The following VSTM2B variants were observed in gnomAD, a reference collection of about 807,000 sequenced individuals.
VSTM2B encodes the protein V-set and transmembrane domain-containing protein 2B.
In VSTM2B, 24 loss-of-function variants were observed where a neutral mutation model predicts 24.0. The ratio of observed to expected loss-of-function variants is 1.00; its 90% CI spans 0.72 to 1.40. The LOEUF (loss-of-function observed/expected upper bound fraction) is 1.40, where lower values mean the gene tolerates loss of function less well. Among genes scored for constraint, VSTM2B ranks in the 40% most tolerant of loss-of-function variants. VSTM2B has a pLI of 0.00. For synonymous variants in VSTM2B, 226 were observed against 194.4 expected (o/e 1.16, Z -1.35); for missense variants, 399 against 416.4 (o/e 0.96, Z 0.36).
At chr19:29,540,425 T>C (rs994465248) in intron 4 of VSTM2B, among the ~76,000 whole-genome samples, 3 of 152,238 alleles carry the variant, frequency 2.0e-5, no homozygotes, top group Admixed American at 6.5e-5. Flanking sequence ...GGGCTGGTAG[T>C]TGGGAGAAGA....
intron 4 of VSTM2B, among the ~76,000 whole-genome samples, chr19:29,544,131 G>A (rs1336463532): frequency 6.7e-6 from 1 of 149,256 alleles, no homozygotes; most frequent in Non-Finnish European, 1.5e-5. Flanking sequence ...ATATATATAT[G>A]CACATTATAT....
At chr19:29,559,604 TATA>T (rs1212448546) in intron 4 of VSTM2B, among the ~76,000 whole-genome samples, 3 of 152,188 alleles carry the variant, frequency 2.0e-5, no homozygotes, top group Admixed American at 1.3e-4. Flanking sequence ...GAACCTTAAG[TATA>T]ATAATATTTT....
At position 29,530,205 on chromosome 19, in the gene VSTM2B, C is replaced by G. The variant is rs1969710498; in HGVS notation, c.684C>G (p.Thr228=). Residue 228 remains threonine (T), a synonymous_variant, in exon 4 of 5, where the codon ACC becomes ACG. Coordinates refer to ENST00000335523, the MANE Select transcript of VSTM2B (RefSeq NM_001146339.2). The part of the protein sequence containing the change: ...AAAASAAHTP[T]TTVAAAAAAS... ...CAGCCTCGGCGGCCCACACGCCCAC[C>G]ACCACAGTCGCGGCAGCTGCTGCTG... 2 of 1,502,064 alleles carry G rather than the reference C, an allele frequency of 1.3e-6. No individual in the cohort carries two copies. Among genetic ancestry groups the G allele is most frequent in the Non-Finnish European group, 1.8e-6 (2 of 1,132,694 alleles). 93.0% of individuals were successfully genotyped at this position (1,502,064 alleles called of 1,614,324 possible). A position where few individuals can be genotyped will look rare whatever the true frequency, so the allele number is the denominator to read the frequency against.
At chr19:29,546,244 A>G (rs1039812394) in intron 4 of VSTM2B, among the ~76,000 whole-genome samples, 2 of 152,196 alleles carry the variant, frequency 1.3e-5, no homozygotes, top group Non-Finnish European at 2.9e-5. Context: ...TGCAGCCCCC[A>G]GCGCAAGAGC....
intron 4 of VSTM2B, among the ~76,000 whole-genome samples, chr19:29,538,640 C>G (rs1028251364): frequency 1.3e-5 from 2 of 152,182 alleles, no homozygotes; most frequent in African/African-American, 4.8e-5. Flanking sequence ...GCTGTGCAAG[C>G]AAGGCACCAG....
chr19:29,527,252 G>A lies in VSTM2B; in HGVS notation c.124G>A (p.Gly42Arg). ...CCCCAAAGATGTGACAGTACGGGAG[G>A]GAGACGACATCGAAATGCCCTGCGC... ...EVPKDVTVRE[G>R]DDIEMPCAFR... Residue 42 changes from glycine to arginine, a missense_variant, in exon 2 of 5, where the codon GGA (glycine) becomes AGA (arginine). Coordinates refer to ENST00000335523, the MANE Select transcript of VSTM2B (RefSeq NM_001146339.2). The A allele has an allele frequency of 2.6e-6, 4 of 1,550,350 alleles. No homozygotes were observed. Among genetic ancestry groups the A allele is most frequent in the Non-Finnish European group, 1.7e-6 (2 of 1,146,742 alleles).
rs748512409 is a variant in VSTM2B at position 29,526,607 on chromosome 19, T to A, written c.24T>A (p.Gly8=). 6.5e-7 allele frequency: 1 copy of A among 1,527,554 alleles called. No individual in the cohort carries two copies. Among genetic ancestry groups the A allele is most frequent in the East Asian group, 2.5e-5 (1 of 40,074 alleles). The allele number at this position is 1,527,554 out of a possible 1,614,324, so 94.6% of individuals were successfully genotyped here. MEQRNRL[G]ALGYLPPLLL... ...AGATGGAACAGCGGAACCGGCTCGG[T>A]GCCCTCGGATACCTGCCGCCTCTGC... Residue 8 remains glycine, a synonymous_variant, in exon 1 of 5, where the codon GGT becomes GGA. Transcript: ENST00000335523. This position sits in a 1 kb window ranked among gnomAD's most constrained non-coding sequence, Gnocchi z 4.1.
chr19:29,549,188 C>A (rs1482825868), intron 4 of VSTM2B, among the ~76,000 whole-genome samples: 1 of 152,222 alleles, frequency 6.6e-6, no homozygotes, highest in East Asian at 1.9e-4. Flanking sequence ...AAACTAGACC[C>A]TTCTGCAAAT....
intron 4 of VSTM2B, among the ~76,000 whole-genome samples, chr19:29,561,430 C>A (rs1970522991): frequency 6.6e-6 from 1 of 152,118 alleles, no homozygotes; most frequent in Non-Finnish European, 1.5e-5. Flanking sequence ...TCGAGACAAG[C>A]CTGGCCAACA....
At chr19:29,545,027 C>T (rs1312266397) in intron 4 of VSTM2B, among the ~76,000 whole-genome samples, 1 of 152,166 alleles carries the variant, frequency 6.6e-6, no homozygotes, top group Non-Finnish European at 1.5e-5. Context: ...CTACGGCCAT[C>T]CACATACAGC....
At chr19:29,528,555 C>A (rs1969643699) in intron 3 of VSTM2B, 93 bp downstream of exon 3, 1 of 1,461,666 alleles carries the variant, frequency 6.8e-7, no homozygotes, top group South Asian at 1.2e-5. Flanking sequence ...GGCGGCCGCG[C>A]ATGTGGGGCC....
intron 4 of VSTM2B, among the ~76,000 whole-genome samples, chr19:29,563,633 T>C (rs563520578): frequency 1.3e-5 from 2 of 152,320 alleles, no homozygotes; most frequent in Admixed American, 1.3e-4. Flanking sequence ...CTGATCTCAC[T>C]AGGATCCTAA....
intron 4 of VSTM2B, among the ~76,000 whole-genome samples, chr19:29,538,357 G>A (rs1969942696): frequency 1.3e-5 from 2 of 152,184 alleles, no homozygotes; most frequent in South Asian, 4.1e-4. Context: ...GCTTAACACA[G>A]GGCCTGGCAC....
intron 4 of VSTM2B, among the ~76,000 whole-genome samples, chr19:29,547,474 G>A (rs189909970): frequency 6.6e-6 from 1 of 152,316 alleles, no homozygotes; most frequent in East Asian, 1.9e-4. Flanking sequence ...CTGTCTGCTT[G>A]ACTGGTCTGG....
At chr19:29,553,449 C>T (rs1970331861) in intron 4 of VSTM2B, among the ~76,000 whole-genome samples, 1 of 152,202 alleles carries the variant, frequency 6.6e-6, no homozygotes, top group African/African-American at 2.4e-5. Context: ...AAAACCCCAT[C>T]CAAAGGCCAG....
chr19:29,535,997 A>G (rs1256206041), intron 4 of VSTM2B, among the ~76,000 whole-genome samples: 2 of 152,260 alleles, frequency 1.3e-5, no homozygotes, highest in African/African-American at 4.8e-5. Context: ...AGGCTCTCTG[A>G]GCATCCTGAA....
chr19:29,528,384 G>A (rs1354145157), intron 2 of VSTM2B, 49 bp from the exon 3 acceptor site: 2 of 1,550,742 alleles, frequency 1.3e-6, no homozygotes, highest in Admixed American at 2.0e-5. Context: ...AGTTCCCCTA[G>A]CCAGAAGGCC....
chr19:29,560,596 A>G (rs748861875), intron 4 of VSTM2B, among the ~76,000 whole-genome samples: 1 of 152,180 alleles, frequency 6.6e-6, no homozygotes, highest in African/African-American at 2.4e-5. Context: ...ACCCTGGGTG[A>G]ACCCTCCCCA....
At chr19:29,563,462 C>T (rs779859720) in intron 4 of VSTM2B, among the ~76,000 whole-genome samples, 64 of 151,986 alleles carry the variant, frequency 4.2e-4, no homozygotes, top group Admixed American at 1.2e-3. Context: ...AGGCTGGTCT[C>T]AAGCTCCTGG....
Sources: gnomAD v4.1 joint callset for allele counts (sites outside exome capture counted in the v4.1 genomes callset) on GRCh38, gnomAD v4.1.1 for gene constraint, Gnocchi (gnomAD v3.1) non-coding constraint, MANE v1.5 for transcripts, NCBI Gene and HGNC (gene_info 2026-07-23, HGNC 2026-07-21) for gene names.